ADAMTSL3: variants seen among roughly 807,000 people sequenced by gnomAD.
The protein encoded by ADAMTSL3 is ADAMTS-like protein 3.
A neutral mutation model predicts 201.7 loss-of-function variants in ADAMTSL3; 128 were observed. That is an observed-to-expected ratio of 0.63 (90% CI 0.55 to 0.73). ADAMTSL3 has a LOEUF of 0.73. Among genes scored for constraint, ADAMTSL3 ranks in the 30% least tolerant of loss-of-function variants. ADAMTSL3 has a pLI of 0.00. For missense variants in ADAMTSL3, 1,990 were observed against 2,119.6 expected, an observed-to-expected ratio of 0.94 and a Z score of 1.20; for synonymous variants, 738 against 748.4, an observed-to-expected ratio of 0.99 and a Z score of 0.23.
At chr15:83,830,833 G>T (rs1359400630) in intron 6 of ADAMTSL3, among the ~76,000 whole-genome samples, 3 of 152,152 alleles carry the variant, frequency 2.0e-5, no homozygotes, top group African/African-American at 4.8e-5. Flanking sequence ...GAGCCCATTT[G>T]CAGGAGGCCA....
At chr15:83,783,837 CTG>C (rs59071955) in intron 4 of ADAMTSL3, among the ~76,000 whole-genome samples, 111 of 148,712 alleles carry the variant, frequency 7.5e-4, no homozygotes, top group Non-Finnish European at 8.8e-4. Flanking sequence ...CATATATACT[CTG>C]TGTGTGTGTG....
chr15:83,905,741 A>T (rs1215799196), intron 15 of ADAMTSL3, among the ~76,000 whole-genome samples: 2 of 152,178 alleles, frequency 1.3e-5, no homozygotes, highest in Non-Finnish European at 2.9e-5. Context: ...CTCATTGGAC[A>T]TATTTTCTGG....
At chr15:84,001,078 A>G (rs1010430481) in intron 23 of ADAMTSL3, among the ~76,000 whole-genome samples, 2 of 152,256 alleles carry the variant, frequency 1.3e-5, no homozygotes, top group Admixed American at 6.5e-5. Context: ...AATTGCATCA[A>G]TGGTCATTGA....
At chr15:83,838,044 T>A in intron 6 of ADAMTSL3, 45 bp from the exon 7 acceptor site, 1 of 1,581,726 alleles carries the variant, frequency 6.3e-7, no homozygotes, top group Non-Finnish European at 8.6e-7. Context: ...GAGCTCCCCC[T>A]CCCCTGGCTT....
intron 4 of ADAMTSL3, among the ~76,000 whole-genome samples, chr15:83,791,928 C>A (rs1051098713): frequency 6.6e-6 from 1 of 151,670 alleles, no homozygotes; most frequent in African/African-American, 2.4e-5. Context: ...AATTTAGCAT[C>A]CGGAAGAAAC....
chr15:83,819,140 G>C (rs12442594), intron 5 of ADAMTSL3, among the ~76,000 whole-genome samples: 1 of 151,498 alleles, frequency 6.6e-6, no homozygotes, highest in Non-Finnish European at 1.5e-5. Context: ...CGTGGTGGCG[G>C]GCGCCTGTAG....
intron 4 of ADAMTSL3, among the ~76,000 whole-genome samples, chr15:83,782,928 ATT>A (rs1303931240): frequency 2.9e-5 from 4 of 135,968 alleles, no homozygotes; most frequent in Admixed American, 7.3e-5. Flanking sequence ...ATATATATAT[ATT>A]ATATGTATAT....
chr15:83,849,839 T>G (rs1426995353), intron 7 of ADAMTSL3, among the ~76,000 whole-genome samples: 2 of 152,172 alleles, frequency 1.3e-5, no homozygotes, highest in South Asian at 4.1e-4. Flanking sequence ...GAAGAATTTG[T>G]GAACCAAATG....
intron 6 of ADAMTSL3, among the ~76,000 whole-genome samples, chr15:83,823,893 C>CTTCT (rs1281731708): frequency 6.4e-5 from 6 of 93,112 alleles, no homozygotes; most frequent in Non-Finnish European, 8.1e-5. Context: ...CTTCTTCTTC[C>CTTCT]TCTTCTTCTT....
At chr15:83,764,661 G>T (rs918683718) in intron 3 of ADAMTSL3, among the ~76,000 whole-genome samples, 1 of 152,082 alleles carries the variant, frequency 6.6e-6, no homozygotes, top group Non-Finnish European at 1.5e-5. Flanking sequence ...CAGGGCCAAG[G>T]CAGATAATGA....
chr15:83,822,444 G>C (rs542202231), intron 6 of ADAMTSL3, among the ~76,000 whole-genome samples: 1 of 145,166 alleles, frequency 6.9e-6, no homozygotes, highest in Non-Finnish European at 1.5e-5. Context: ...CAGACGGGGC[G>C]GTTGCCAGGC....
intron 2 of ADAMTSL3, among the ~76,000 whole-genome samples, chr15:83,701,716 A>G (rs550657552): frequency 4.6e-5 from 7 of 152,294 alleles, no homozygotes; most frequent in African/African-American, 1.2e-4. Context: ...GCCTCCTGCC[A>G]TGATTCTGAG....
At chr15:83,893,470 A>G (rs2065550908) in intron 13 of ADAMTSL3, among the ~76,000 whole-genome samples, 1 of 152,186 alleles carries the variant, frequency 6.6e-6, no homozygotes, top group Non-Finnish European at 1.5e-5. Context: ...GAGATGGCCC[A>G]TGTTACTAAG....
At chr15:83,898,101 A>T (rs532928435) in intron 14 of ADAMTSL3, 96 bp downstream of exon 14, 50 of 1,409,226 alleles carry the variant, frequency 3.5e-5, no homozygotes, top group Middle Eastern at 2.2e-4. Flanking sequence ...CTACTTTCTT[A>T]TAAAAATTGT....
At chr15:83,929,020 A>G (rs1465397964) in intron 17 of ADAMTSL3, among the ~76,000 whole-genome samples, 1 of 152,208 alleles carries the variant, frequency 6.6e-6, no homozygotes, top group East Asian at 1.9e-4. Flanking sequence ...ACTGTTTCAC[A>G]AGTTTCTAAA....
chr15:83,838,978 A>G (rs866801915), intron 7 of ADAMTSL3, among the ~76,000 whole-genome samples: 20 of 152,210 alleles, frequency 1.3e-4, no homozygotes, highest in Middle Eastern at 3.2e-3. Flanking sequence ...CTACATTCCA[A>G]TGAAACTTTA....
intron 5 of ADAMTSL3, among the ~76,000 whole-genome samples, chr15:83,808,351 A>C (rs988507182): frequency 6.6e-6 from 1 of 152,202 alleles, no homozygotes. Flanking sequence ...TCTCAATAGA[A>C]AACATAAATA....
At chr15:83,821,074 A>G (rs1290594215) in intron 6 of ADAMTSL3, among the ~76,000 whole-genome samples, 1 of 151,824 alleles carries the variant, frequency 6.6e-6, no homozygotes, top group African/African-American at 2.4e-5. Context: ...ACTGTCTCAA[A>G]AAGAAAAAAA....
chr15:83,823,087 T>C (rs1004874456), intron 6 of ADAMTSL3, among the ~76,000 whole-genome samples: 1 of 151,434 alleles, frequency 6.6e-6, no homozygotes, highest in African/African-American at 2.4e-5. Context: ...TTGCAGGCAC[T>C]CGGCAGGCTG....
Sources: gnomAD v4.1 joint callset for allele counts (sites outside exome capture counted in the v4.1 genomes callset) on GRCh38, gnomAD v4.1.1 for gene constraint, MANE v1.5 for transcripts, NCBI Gene and HGNC (gene_info 2026-07-23, HGNC 2026-07-21) for gene names.